CTNNA3: variants seen among roughly 807,000 people sequenced by gnomAD.
CTNNA3 encodes catenin alpha 3.
A neutral mutation model predicts 95.7 loss-of-function variants in CTNNA3; 76 were observed. The ratio of observed to expected loss-of-function variants is 0.79; its 90% confidence interval spans 0.66 to 0.96. CTNNA3 has a LOEUF of 0.96. Among genes scored for constraint, CTNNA3 ranks in the 40% least tolerant of loss-of-function variants. The probability of loss-of-function intolerance (pLI) is 0.00; values close to 1 mark genes in which losing one functional copy is unlikely to be tolerated. For missense variants in CTNNA3, 1,191 were observed against 1,089.8 expected, an observed-to-expected ratio of 1.09 and a Z score of -1.31; for synonymous variants, 431 against 374.4, an observed-to-expected ratio of 1.15 and a Z score of -1.74.
intron 1 of CTNNA3, among the ~76,000 whole-genome samples, chr10:67,724,966 A>G (rs1405376299): frequency 6.6e-6 from 1 of 152,092 alleles, no homozygotes; most frequent in Non-Finnish European, 1.5e-5. Context: ...TATTACACAA[A>G]TTCTTATTAC....
intron 13 of CTNNA3, among the ~76,000 whole-genome samples, chr10:66,261,670 AT>A (rs1306775975): frequency 6.6e-6 from 1 of 152,030 alleles, no homozygotes; most frequent in Non-Finnish European, 1.5e-5. Flanking sequence ...GAATATTTGT[AT>A]CCCCATTCCC....
chr10:67,452,286 A>G (rs1847018322), intron 5 of CTNNA3, among the ~76,000 whole-genome samples: 1 of 152,206 alleles, frequency 6.6e-6, no homozygotes, highest in African/African-American at 2.4e-5. Context: ...GTAAAAATGA[A>G]TAACGTAATT....
intron 7 of CTNNA3, among the ~76,000 whole-genome samples, chr10:66,823,390 A>T (rs1589295375): frequency 3.8e-5 from 5 of 130,926 alleles, no homozygotes; most frequent in East Asian, 4.1e-4. Context: ...TATGTGAATT[A>T]AAAAAAAATT....
intron 7 of CTNNA3, among the ~76,000 whole-genome samples, chr10:66,996,408 G>T (rs1473410459): frequency 6.6e-6 from 1 of 152,094 alleles, no homozygotes; most frequent in East Asian, 1.9e-4. Flanking sequence ...CACTTTGGGA[G>T]GCCGAGACGG....
At chr10:67,039,877 C>A (rs1415400727) in intron 7 of CTNNA3, among the ~76,000 whole-genome samples, 1 of 152,076 alleles carries the variant, frequency 6.6e-6, no homozygotes, top group Non-Finnish European at 1.5e-5. Context: ...AATCTGAATA[C>A]CTATGACCTC....
intron 5 of CTNNA3, among the ~76,000 whole-genome samples, chr10:67,251,332 C>T (rs754493780): frequency 6.6e-6 from 1 of 152,096 alleles, no homozygotes; most frequent in East Asian, 1.9e-4. Flanking sequence ...GGGTTGGGGG[C>T]AGGAGTGACT....
chr10:66,569,849 T>C (rs1842815364), intron 10 of CTNNA3, among the ~76,000 whole-genome samples: 1 of 152,094 alleles, frequency 6.6e-6, no homozygotes, highest in Non-Finnish European at 1.5e-5. Context: ...ATTTCAGTAA[T>C]AAAACAGTAT....
chr10:67,000,698 G>T lies in CTNNA3; in HGVS notation c.1047+179619C>A, dbSNP rs537158239. ...AATTAGATATATGAATTCAATAGAAGAAATCTTGATGTAAAGTCAATTAGT... is the reference window on the plus strand; with the variant it reads ...AATTAGATATATGAATTCAATAGAATAAATCTTGATGTAAAGTCAATTAGT... On this transcript the variant is annotated intron_variant, in intron 7 of 17. Coordinates refer to ENST00000433211, the MANE Select transcript of CTNNA3 (RefSeq NM_013266.4). Among the ~76,000 whole-genome samples the T allele has an allele frequency of 3.3e-5, 5 of 152,238 alleles. No homozygotes were observed. The South Asian group carries it at 6.2e-4, about 19-fold the overall frequency.
At chr10:66,613,948 T>C (rs560480267) in intron 10 of CTNNA3, among the ~76,000 whole-genome samples, 1 of 152,220 alleles carries the variant, frequency 6.6e-6, no homozygotes, top group African/African-American at 2.4e-5. Context: ...CAAAGCTTGA[T>C]ACTTAGAAAA....
rs537128826 is a variant in CTNNA3, at chr10:67,750,049, G to A, written c.-2+13385C>T. Among the ~76,000 whole-genome samples the A allele has an allele frequency of 4.6e-5, 7 of 152,190 alleles. No individual in the cohort carries two copies. The East Asian group carries it at 5.8e-4, about 13-fold the overall frequency. ...TGTAACACTCGCCGTGAAGGTCCGCGGGCTCATTTTGAAGTCAGCGAGACT... is the reference window on the plus strand; with the variant it reads ...TGTAACACTCGCCGTGAAGGTCCGCAGGCTCATTTTGAAGTCAGCGAGACT... On this transcript the variant is annotated intron_variant, in intron 1 of 17. Coordinates refer to the CTNNA3 transcript ENST00000684154.
At chr10:66,563,497 A>T (rs1191540317) in intron 10 of CTNNA3, among the ~76,000 whole-genome samples, 1 of 152,126 alleles carries the variant, frequency 6.6e-6, no homozygotes, top group Non-Finnish European at 1.5e-5. Flanking sequence ...TTTTTTAAAG[A>T]TATAATTACA....
chr10:67,068,517 A>G (rs1856233137), intron 7 of CTNNA3, among the ~76,000 whole-genome samples: 1 of 152,194 alleles, frequency 6.6e-6, no homozygotes, highest in African/African-American at 2.4e-5. Context: ...GAGGTCTTAA[A>G]GTGGTTAAAA....
At chr10:65,983,019 T>C (rs1180384056) in intron 16 of CTNNA3, among the ~76,000 whole-genome samples, 1 of 151,652 alleles carries the variant, frequency 6.6e-6, no homozygotes, top group Non-Finnish European at 1.5e-5. Context: ...TAATACAAAT[T>C]ATACTTGTAG....
At position 67,122,554 on chromosome 10, in the gene CTNNA3, A is replaced by G. The variant is rs146357036; in HGVS notation, c.1047+57763T>C. ...GTCTATTTTCTTTTTTAAAACATAC[A>G]ATTTGGTCTGTGGTGTGGATGAATC... On this transcript the variant is annotated intron_variant, in intron 7 of 17. Coordinates refer to ENST00000433211, the MANE Select transcript of CTNNA3 (RefSeq NM_013266.4). 2.0e-3 allele frequency among the ~76,000 whole-genome samples: 304 copies of G among 152,202 alleles called. 1 individual carries two copies. The highest frequency in any genetic ancestry group is 7.1e-3 in the African/African-American group (295 of 41,554).
At chr10:67,587,138 C>T (rs1842651990) in intron 3 of CTNNA3, among the ~76,000 whole-genome samples, 1 of 151,902 alleles carries the variant, frequency 6.6e-6, no homozygotes, top group African/African-American at 2.4e-5. Context: ...GATCCTCCCA[C>T]CTCAGCCTCC....
chr10:66,010,270 T>C (rs1172942987), intron 15 of CTNNA3, among the ~76,000 whole-genome samples: 1 of 152,170 alleles, frequency 6.6e-6, no homozygotes, highest in African/African-American at 2.4e-5. Flanking sequence ...AAGGACATAT[T>C]TTTATTGCTC....
chr10:67,088,035 TATC>T (rs1857407222), intron 7 of CTNNA3, among the ~76,000 whole-genome samples: 1 of 151,844 alleles, frequency 6.6e-6, no homozygotes, highest in African/African-American at 2.4e-5. Flanking sequence ...CATATAATAA[TATC>T]ATGTGGAAAT....
intron 13 of CTNNA3, among the ~76,000 whole-genome samples, chr10:66,138,191 C>T (rs1179260856): frequency 6.6e-6 from 1 of 152,040 alleles, no homozygotes; most frequent in African/African-American, 2.4e-5. Context: ...TTTTCAAAGA[C>T]AAAGTTTGAA....
intron 5 of CTNNA3, among the ~76,000 whole-genome samples, chr10:67,292,723 T>C (rs1222459345): frequency 2.0e-5 from 3 of 152,178 alleles, no homozygotes; most frequent in Non-Finnish European, 4.4e-5. Flanking sequence ...TAAAAAGCCA[T>C]AAAGCTGTTA....
Sources: allele counts gnomAD v4.1 joint callset (sites outside exome capture counted in the v4.1 genomes callset), GRCh38; gene constraint gnomAD v4.1.1; transcripts MANE v1.5; gene names NCBI Gene and HGNC (gene_info 2026-07-23, HGNC 2026-07-21).